CDC42BPB: variants seen among roughly 807,000 people sequenced by gnomAD.
CDC42BPB encodes the protein serine/threonine-protein kinase MRCK beta.
Under a neutral mutation model 214.9 loss-of-function variants are expected in CDC42BPB, and 37 were observed. That is an observed-to-expected ratio of 0.17 (90% CI 0.13 to 0.23). The LOEUF (loss-of-function observed/expected upper bound fraction) is 0.23, where lower values mean the gene tolerates loss of function less well. Among genes scored for constraint, CDC42BPB ranks in the 10% least tolerant of loss-of-function variants. The pLI is 1.00. For synonymous variants in CDC42BPB, 931 were observed against 884.0 expected, an observed-to-expected ratio of 1.05 and a Z score of -0.94; for missense variants, 1,694 against 2,227.0, an observed-to-expected ratio of 0.76 and a Z score of 4.82.
At chr14:103,041,287 A>G (rs1231300495) in intron 1 of CDC42BPB, among the ~76,000 whole-genome samples, 1 of 152,264 alleles carries the variant, frequency 6.6e-6, no homozygotes, top group Non-Finnish European at 1.5e-5. Flanking sequence ...AAAATTGATC[A>G]AAGAACTAAA....
intron 21 of CDC42BPB, among the ~76,000 whole-genome samples, chr14:102,957,209 A>AG (rs1277794263): frequency 6.7e-6 from 1 of 150,014 alleles, no homozygotes; most frequent in East Asian, 1.9e-4. Context: ...AAAAAAAAAA[A>AG]AAAAAAAAAA....
chr14:102,952,682 A>G lies in CDC42BPB; in HGVS notation c.3067-79T>C, dbSNP rs1892543624. The G allele has an allele frequency of 5.8e-6, 9 of 1,548,414 alleles. No homozygotes were observed. The East Asian group carries it at 1.9e-4, about 33-fold the overall frequency. ...GATCCATCTGCCTGTGATCCAGTTT[A>G]TACACAGCTTGGGCATTATCCTGAA... On this transcript the variant is annotated intron_variant, in intron 23 of 36. Transcript: ENST00000361246.
At chr14:103,020,838 A>T (rs757841358) in intron 1 of CDC42BPB, among the ~76,000 whole-genome samples, 3 of 152,248 alleles carry the variant, frequency 2.0e-5, no homozygotes, top group Non-Finnish European at 2.9e-5. Flanking sequence ...ATTAGTACCT[A>T]TCACAAAGTT....
At position 102,975,808 on chromosome 14, in the gene CDC42BPB, G is replaced by A; in HGVS notation, c.1388-5C>T. 6.2e-7 allele frequency: 1 copy of A among 1,614,156 alleles called. No homozygotes were observed. The highest frequency in any genetic ancestry group is 8.5e-7 in the Non-Finnish European group (1 of 1,180,014). On this transcript the variant is annotated splice_region_variant and splice_polypyrimidine_tract_variant and intron_variant, in intron 10 of 36. Coordinates refer to ENST00000361246, the MANE Select transcript of CDC42BPB (RefSeq NM_006035.4). Reference sequence around the variant, plus strand: ...ACTGCACGGTCTGGGTGGACTCTGAGGGATGGAGAGACAGCGTGAGGTGCA... The same window carrying A: ...ACTGCACGGTCTGGGTGGACTCTGAAGGATGGAGAGACAGCGTGAGGTGCA...
intron 16 of CDC42BPB, among the ~76,000 whole-genome samples, chr14:102,967,982 C>G (rs1197879520): frequency 6.6e-6 from 1 of 152,030 alleles, no homozygotes; most frequent in Admixed American, 6.6e-5. Context: ...GTAGTCCCAG[C>G]CACTTGGGAG....
intron 3 of CDC42BPB, among the ~76,000 whole-genome samples, chr14:103,006,921 C>A (rs1885859667): frequency 6.6e-6 from 1 of 152,202 alleles, no homozygotes; most frequent in Non-Finnish European, 1.5e-5. Context: ...TACCTCTCTA[C>A]ACTTTCATGT....
chr14:103,032,269 G>A (rs770466659), intron 1 of CDC42BPB, among the ~76,000 whole-genome samples: 13 of 152,224 alleles, frequency 8.5e-5, no homozygotes, highest in East Asian at 3.9e-4. Flanking sequence ...GCAACCCCGC[G>A]TGGGTGCACA....
chr14:103,018,961 T>G (rs534324148), intron 1 of CDC42BPB, among the ~76,000 whole-genome samples: 16 of 152,254 alleles, frequency 1.1e-4, no homozygotes, highest in Non-Finnish European at 1.6e-4. Context: ...TGTTTGTTTT[T>G]GAGACAGGGT....
intron 1 of CDC42BPB, among the ~76,000 whole-genome samples, chr14:103,013,237 AG>A (rs1344976122): frequency 5.9e-5 from 9 of 152,326 alleles, no homozygotes; most frequent in Admixed American, 5.9e-4. Flanking sequence ...GGGGCAGCTC[AG>A]GGAACACAAG....
At chr14:103,022,304 T>C (rs1036052992) in intron 1 of CDC42BPB, among the ~76,000 whole-genome samples, 1 of 152,076 alleles carries the variant, frequency 6.6e-6, no homozygotes, top group Admixed American at 6.5e-5. Context: ...AGAAGTCTGA[T>C]TGGCCTTTTG....
intron 5 of CDC42BPB, among the ~76,000 whole-genome samples, chr14:102,996,637 A>C (rs1356513123): frequency 6.6e-6 from 1 of 151,728 alleles, no homozygotes; most frequent in African/African-American, 2.4e-5. Context: ...ACATGGAGAA[A>C]CCCCATCTCT....
Position 102,999,722 on chromosome 14 carries a change from T to G in CDC42BPB, c.448-9A>C. 6.2e-7 allele frequency: 1 copy of G among 1,613,874 alleles called. No individual in the cohort carries two copies. Among genetic ancestry groups the G allele is most frequent in the Non-Finnish European group, 8.5e-7 (1 of 1,179,890 alleles). On this transcript the variant is annotated splice_polypyrimidine_tract_variant and intron_variant, in intron 4 of 36. Coordinates refer to ENST00000361246, the MANE Select transcript of CDC42BPB (RefSeq NM_006035.4). The stretch of plus-strand genomic sequence containing the variant: ...TAATCCATGACTAAGTACTACAAAT[T>G]GGAAAGAGAAGGGGAGAGAATACCA...
At chr14:102,978,959 G>A (rs2301124) in intron 8 of CDC42BPB, among the ~76,000 whole-genome samples, 52,215 of 152,096 alleles carry the variant, frequency 0.34, 10,406 homozygotes, top group East Asian at 0.49. Context: ...GTGAGCTGAG[G>A]TTGTATCACT....
chr14:102,991,948 CAAAT>C (rs903116221), intron 5 of CDC42BPB, among the ~76,000 whole-genome samples: 4 of 152,308 alleles, frequency 2.6e-5, no homozygotes, highest in Admixed American at 2.6e-4. Flanking sequence ...TATTCAAACT[CAAAT>C]TAATGTAAAT....
At chr14:102,936,398 G>A (rs1020460895) in intron 36 of CDC42BPB, among the ~76,000 whole-genome samples, 19 of 152,318 alleles carry the variant, frequency 1.2e-4, no homozygotes, top group Admixed American at 7.2e-4. Flanking sequence ...AGCCATACAA[G>A]AGAATATTAT....
At chr14:103,020,396 G>A (rs1477302926) in intron 1 of CDC42BPB, among the ~76,000 whole-genome samples, 1 of 152,190 alleles carries the variant, frequency 6.6e-6, no homozygotes, top group Non-Finnish European at 1.5e-5. Context: ...CCCTTCAAGA[G>A]ATGGCAGGAC....
chr14:102,945,037 C>G (rs566391204), intron 29 of CDC42BPB: 3 of 314,376 alleles, frequency 9.5e-6, no homozygotes, highest in South Asian at 2.5e-5. Context: ...CCCAGGCTAA[C>G]CCAAGCCCCT....
At chr14:103,045,575 A>C (rs905062938) in intron 1 of CDC42BPB, among the ~76,000 whole-genome samples, 3 of 152,114 alleles carry the variant, frequency 2.0e-5, no homozygotes, top group African/African-American at 7.2e-5. Flanking sequence ...ACATTCTCAT[A>C]ACCCCCTTCT....
chr14:102,944,103 A>C lies in CDC42BPB; in HGVS notation c.4196T>G (p.Ile1399Ser). The change falls in exon 30 of 37, where the codon ATC (isoleucine) becomes AGC (serine). Residue 1399 changes from isoleucine (I) to serine (S), a missense_variant. Ile to Ser is a moderately radical substitution (Grantham distance 142). Transcript: ENST00000361246. The surrounding 1 kb of genome is among the most constrained non-coding windows in gnomAD (Gnocchi z 6.6). ...GTTTAGAGGCTGCCCGTCCCCCTGG[A>C]TGCTCAGCAGGCAGAACCCAGAAGG... ...GYPSGFCLLS[I>S]QGDGQPLNLV... The C allele has an allele frequency of 6.2e-7, 1 of 1,613,408 alleles. No homozygotes were observed. Among genetic ancestry groups the C allele is most frequent in the Non-Finnish European group, 8.5e-7 (1 of 1,180,014 alleles).
Sources: allele counts gnomAD v4.1 joint callset (sites outside exome capture counted in the v4.1 genomes callset), GRCh38; gene constraint gnomAD v4.1.1; non-coding constraint Gnocchi (gnomAD v3.1); transcripts MANE v1.5; gene names NCBI Gene and HGNC (gene_info 2026-07-23, HGNC 2026-07-21).